NOP14: variants seen among roughly 807,000 people sequenced by gnomAD.
The protein encoded by NOP14 is nucleolar protein 14.
In NOP14, 57 loss-of-function variants were observed where a neutral mutation model predicts 101.6. The ratio of observed to expected loss-of-function variants is 0.56; its 90% CI spans 0.45 to 0.70. The LOEUF (loss-of-function observed/expected upper bound fraction) is 0.70. Ranked by LOEUF, NOP14 falls within the 30% of genes least tolerant of loss-of-function variation. The pLI, the probability that NOP14 is intolerant of heterozygous loss-of-function variation, is 0.00. For missense variants in NOP14, 1,134 were observed against 1,075.5 expected, an observed-to-expected ratio of 1.05 and a Z score of -0.76; for synonymous variants, 428 against 424.0, an observed-to-expected ratio of 1.01 and a Z score of -0.12.
intron 1 of NOP14, 102 bp from the exon 2 acceptor site, chr4:2,957,842 T>C (rs923924632): frequency 1.6e-6 from 2 of 1,217,836 alleles, no homozygotes; most frequent in Non-Finnish European, 2.2e-6. Flanking sequence ...CTATGCACAG[T>C]GATGTCAAAG....
rs1553865954 is a variant in NOP14 at position 2,963,340 on chromosome 4, C to G, written c.-21G>C. On this transcript the variant is annotated 5_prime_UTR_variant, in exon 1 of 18. Coordinates refer to ENST00000416614, the MANE Select transcript of NOP14 (RefSeq NM_001291978.2). ...GCCATGGCGCGCGCCCCGCTGCGCC[C>G]AAGGGCCCGAGACCCGAAGAGAGAC... The G allele has an allele frequency of 1.5e-5, 24 of 1,548,984 alleles. No homozygotes were observed. Among genetic ancestry groups the G allele is most frequent in the Non-Finnish European group, 1.9e-5 (22 of 1,153,578 alleles).
At chr4:2,955,372 C>T (rs562744409) in intron 3 of NOP14, among the ~76,000 whole-genome samples, 47 of 118,874 alleles carry the variant, frequency 4.0e-4, no homozygotes, top group Non-Finnish European at 6.8e-4. Context: ...ACCTGGACCA[C>T]GGCGCCCCCT....
At chr4:2,959,718 C>T (rs114097081) in intron 1 of NOP14, among the ~76,000 whole-genome samples, 1,553 of 152,346 alleles carry the variant, frequency 0.01, 17 homozygotes, top group Non-Finnish European at 0.017. Flanking sequence ...CTGTTCTCTC[C>T]GCTTCTGTTA....
In NOP14 at chr4:2,944,243, G is replaced by C. The variant is rs201020153; in HGVS notation, c.1738-17C>G. Reference sequence around the variant, plus strand: ...GATGGGGCACTGGAAAGGAACATATGGGGGGTTACTGTCCTGGGACGATGT... The same window carrying C: ...GATGGGGCACTGGAAAGGAACATATCGGGGGTTACTGTCCTGGGACGATGT... On this transcript the variant is annotated splice_polypyrimidine_tract_variant and intron_variant, in intron 12 of 17. Transcript: ENST00000416614. The C allele has an allele frequency of 7.5e-6, 12 of 1,606,802 alleles. No individual in the cohort carries two copies. Among genetic ancestry groups the C allele is most frequent in the East Asian group, 2.2e-5 (1 of 44,864 alleles).
Position 2,938,094 on chromosome 4 carries a change from C to G in NOP14, c.*737G>C, listed in dbSNP as rs1201831854. The G allele has an allele frequency of 7.0e-6, 6 of 862,124 alleles. No homozygotes were observed. In the Admixed American group the frequency reaches 1.6e-4, roughly 23 times the overall value. The allele number at this position is 862,124 out of a possible 1,614,324, so 53.4% of individuals were successfully genotyped here. A position where few individuals can be genotyped will look rare whatever the true frequency, so the allele number is the denominator to read the frequency against. On this transcript the variant is annotated 3_prime_UTR_variant, in exon 18 of 18. Transcript: ENST00000416614. Reference sequence around the variant, plus strand: ...CCAGTCGCAGCTGATAACACACAGACCATTCCCGATCCCAGAGGTGCATTT... The same window carrying G: ...CCAGTCGCAGCTGATAACACACAGAGCATTCCCGATCCCAGAGGTGCATTT...
chr4:2,955,610 T>C (rs1715301118), intron 3 of NOP14, among the ~76,000 whole-genome samples: 1 of 151,952 alleles, frequency 6.6e-6, no homozygotes, highest in African/African-American at 2.4e-5. Context: ...CTCCTGGCAA[T>C]GAGGGGAAGG....
Position 2,951,017 on chromosome 4 carries a change from A to G in NOP14, c.1002+97T>C, listed in dbSNP as rs112062859. Reference sequence around the variant, plus strand: ...AGAGAAACTGGTTAAAAAGATTTAAAATTCCCAACTGTAATAAATCCCTAA... The same window carrying G: ...AGAGAAACTGGTTAAAAAGATTTAAGATTCCCAACTGTAATAAATCCCTAA... On this transcript the variant is annotated intron_variant, in intron 7 of 17. Coordinates refer to ENST00000416614, the MANE Select transcript of NOP14 (RefSeq NM_001291978.2). The G allele has an allele frequency of 6.3e-5, 73 of 1,161,346 alleles. 1 individual carries two copies. The African/African-American group carries it at 7.1e-4, about 11-fold the overall frequency. 71.9% of individuals were successfully genotyped at this position (1,161,346 alleles called of 1,614,324 possible).
intron 17 of NOP14, 126 bp downstream of exon 17, chr4:2,939,061 GC>G: frequency 2.0e-6 from 3 of 1,503,038 alleles, no homozygotes; most frequent in Non-Finnish European, 2.8e-6. Flanking sequence ...AAGTGAACCT[GC>G]CTGGCTCCAA....
chr4:2,951,298 AG>A, intron 6 of NOP14, 53 bp from the exon 7 acceptor site: 2 of 1,585,210 alleles, frequency 1.3e-6, no homozygotes, highest in East Asian at 2.2e-5. Flanking sequence ...ACATATGGTG[AG>A]GGGGCCGTGC....
chr4:2,955,704 G>A (rs1301449139), intron 3 of NOP14, among the ~76,000 whole-genome samples: 1 of 152,266 alleles, frequency 6.6e-6, no homozygotes, highest in Non-Finnish European at 1.5e-5. Context: ...TATAGCTAAG[G>A]GTCCACGAGA....
intron 9 of NOP14, among the ~76,000 whole-genome samples, chr4:2,947,825 C>G (rs938562858): frequency 6.6e-6 from 1 of 152,208 alleles, no homozygotes; most frequent in African/African-American, 2.4e-5. Flanking sequence ...AAGCTAAGGG[C>G]AAGGCGCATC....
chr4:2,950,842 C>T, intron 7 of NOP14: 1 of 330,952 alleles, frequency 3.0e-6, no homozygotes, highest in Admixed American at 4.4e-5. Context: ...TTGATGTTAA[C>T]CGAGTAATCA....
At chr4:2,954,657 G>C in intron 3 of NOP14, 94 bp from the exon 4 acceptor site, 2 of 1,432,638 alleles carry the variant, frequency 1.4e-6, no homozygotes, top group Non-Finnish European at 1.9e-6. Context: ...CCCCATAGTG[G>C]TCTGGAAAAG....
At position 2,939,552 on chromosome 4, in the gene NOP14, G is replaced by C. The variant is rs576376816; in HGVS notation, c.2293C>G (p.Leu765Val). Residue 765 changes from leucine (L) to valine (V), a missense_variant, in exon 16 of 18, where the codon CTT becomes GTT. Physicochemically the swap from Leu to Val is conservative, Grantham distance 32. Coordinates refer to ENST00000416614, the MANE Select transcript of NOP14 (RefSeq NM_001291978.2). ...CEKSKPVPLK[L>V]FTPRLVKVLE... ...ACTTTGACCAGCCGGGGTGTGAAAA[G>C]CTTCAGTGGGACAGGCTTGCTCTTC... 5.6e-6 allele frequency: 9 copies of C among 1,613,956 alleles called. No homozygotes were observed. In the Admixed American group the frequency reaches 8.3e-5, roughly 15 times the overall value.
At chr4:2,940,512 C>A (rs549633131) in intron 15 of NOP14, 1 of 152,396 alleles carries the variant, frequency 6.6e-6, no homozygotes, top group Non-Finnish European at 1.5e-5. Context: ...ACAGCCACAC[C>A]AGCAGGAAGT....
chr4:2,953,690 G>A (rs1715170287), intron 4 of NOP14, 45 bp from the exon 5 acceptor site: 3 of 1,608,168 alleles, frequency 1.9e-6, no homozygotes, highest in East Asian at 4.5e-5. Context: ...GTTACTACTG[G>A]ACTTCAACCC....
rs529179337 is a variant in NOP14 at position 2,954,904 on chromosome 4, G to A, written c.473-341C>T. On this transcript the variant is annotated intron_variant, in intron 3 of 17. Transcript: ENST00000416614. ...ACTCCAGGGTCTTGGTGGGAGCGTC[G>A]CCCAGGATCAGTGGTGCAATCTGTG... Among the ~76,000 whole-genome samples the A allele has an allele frequency of 3.9e-5, 6 of 152,020 alleles. 1 individual carries two copies. In the East Asian group the frequency reaches 9.7e-4, roughly 25 times the overall value.
At chr4:2,950,281 A>G in intron 7 of NOP14, 68 bp from the exon 8 acceptor site, 2 of 1,520,644 alleles carry the variant, frequency 1.3e-6, no homozygotes, top group Non-Finnish European at 9.0e-7. Context: ...TCTCACAGCC[A>G]CATCAAGAGG....
chr4:2,963,166 C>A lies in NOP14; in HGVS notation c.154G>T (p.Val52Leu). 6.3e-7 allele frequency: 1 copy of A among 1,579,100 alleles called. No individual in the cohort carries two copies. The highest frequency in any genetic ancestry group is 8.6e-7 in the Non-Finnish European group (1 of 1,165,522). The change falls in exon 1 of 18, where the codon GTG becomes TTG. Residue 52 changes from valine (V) to leucine (L), a missense_variant. Coordinates refer to ENST00000416614, the MANE Select transcript of NOP14 (RefSeq NM_001291978.2). Reference protein sequence around the residue: ...QILGRKTRHDVGLPGVSRARA... With the variant: ...QILGRKTRHDLGLPGVSRARA... ...GCGCGAGACACCCCGGGCAGTCCCA[C>A]GTCGTGGCGCGTCTTCCGGCCCAGG...
Sources: gnomAD v4.1 joint callset for allele counts (sites outside exome capture counted in the v4.1 genomes callset) on GRCh38, gnomAD v4.1.1 for gene constraint, MANE v1.5 for transcripts, NCBI Gene and HGNC (gene_info 2026-07-23, HGNC 2026-07-21) for gene names.